MYLK2: variants seen among roughly 807,000 people sequenced by gnomAD.
The protein encoded by MYLK2 is myosin light chain kinase 2.
MYLK2 carries 27 observed loss-of-function variants against 58.2 expected under a neutral mutation model. The observed-to-expected ratio is 0.46, with a 90% CI of 0.34 to 0.64. The LOEUF is 0.64. MYLK2 is among the 30% of genes least tolerant of loss of function. The pLI, the probability that MYLK2 is intolerant of heterozygous loss-of-function variation, is 0.01. For synonymous variants in MYLK2, 310 were observed against 296.7 expected, an observed-to-expected ratio of 1.04 and a Z score of -0.46; for missense variants, 676 against 764.3, an observed-to-expected ratio of 0.88 and a Z score of 1.36.
rs1172754908 is a variant in MYLK2 at position 31,834,375 on chromosome 20, C to T, written c.*578C>T. 6.3e-6 allele frequency: 1 copy of T among 159,066 alleles called. No individual in the cohort carries two copies. The highest frequency in any genetic ancestry group is 1.4e-5 in the Non-Finnish European group (1 of 71,532). The allele number at this position is 159,066 out of a possible 1,614,324, so 9.9% of individuals were successfully genotyped here. On this transcript the variant is annotated 3_prime_UTR_variant, in exon 13 of 13. Coordinates refer to ENST00000375985, the MANE Select transcript of MYLK2 (RefSeq NM_033118.4). ...TCCAGCAGATAAGGCCGAGCCCACA[C>T]CATCTGGCCCAGGCTGGCCCCCACC...
chr20:31,827,060 C>T (rs2062284102), intron 8 of MYLK2, 122 bp downstream of exon 8: 7 of 1,532,316 alleles, frequency 4.6e-6, no homozygotes, highest in Non-Finnish European at 5.3e-6. Context: ...CCATCCTTCC[C>T]TTCATAGATT....
Position 31,821,530 on chromosome 20 carries a change from A to G in MYLK2, c.565A>G (p.Arg189Gly). 1 of 1,614,054 alleles carries G rather than the reference A, an allele frequency of 6.2e-7. No homozygotes were observed. Residue 189 changes from arginine to glycine, a missense_variant, in exon 4 of 13, where the codon AGG becomes GGG. By Grantham distance (125) the Arg-to-Gly change is moderately radical (BLOSUM62 -2). Coordinates refer to ENST00000375985, the MANE Select transcript of MYLK2 (RefSeq NM_033118.4). ...VPMTHSPTDP[R>G]PAKAEEGKNI... The stretch of plus-strand genomic sequence containing the variant: ...CATGACCCACAGCCCCACGGATCCC[A>G]GGCCAGCCAAGGCAGAAGAAGGAAA...
At chr20:31,829,080 T>G (rs937202319) in intron 8 of MYLK2, among the ~76,000 whole-genome samples, 3 of 152,150 alleles carry the variant, frequency 2.0e-5, no homozygotes, top group African/African-American at 7.2e-5. Flanking sequence ...GCCCCTTCAC[T>G]GAGCTGGGGG....
In MYLK2 at chr20:31,831,155, C is replaced by CG. The variant is rs1568634664; in HGVS notation, c.1424+17dup. ...CACCTACATGCTGTGAGCTCCCAGGCGGGTCGTGTTTATGGGGTTGGTGGG... is the reference window on the plus strand; with the variant it reads ...CACCTACATGCTGTGAGCTCCCAGGCGGGGTCGTGTTTATGGGGTTGGTGGG... On this transcript the variant is annotated intron_variant, in intron 10 of 12. Coordinates refer to ENST00000375985, the MANE Select transcript of MYLK2 (RefSeq NM_033118.4). The CG allele has an allele frequency of 1.2e-6, 2 of 1,613,858 alleles. No homozygotes were observed. Among genetic ancestry groups the CG allele is most frequent in the South Asian group, 2.2e-5 (2 of 91,068 alleles).
Position 31,820,316 on chromosome 20 carries a change from C to G in MYLK2, c.243C>G (p.Asp81Glu), listed in dbSNP as rs138517155. The change falls in exon 3 of 13, where the codon GAC becomes GAG. Residue 81 changes from aspartate (D) to glutamate (E), a missense_variant. This residue lies in a region of MYLK2 where 306 missense variants were observed against 296.5 expected (regional missense o/e 1.03). Transcript: ENST00000375985. ...GCCAAGGCCCCAAAGGAGAGGGTGA[C>G]AGGGGCGGGGGGCCCGCGGAGGGCA... is the stretch of plus-strand genomic sequence containing the variant. Reference protein sequence around the residue: ...TSSQGPKGEGDRGGGPAEGSA... With the variant: ...TSSQGPKGEGERGGGPAEGSA... 3.1e-6 allele frequency: 5 copies of G among 1,613,126 alleles called. No homozygotes were observed. Among genetic ancestry groups the G allele is most frequent in the Non-Finnish European group, 4.2e-6 (5 of 1,179,900 alleles).
chr20:31,826,879 C>A lies in MYLK2; in HGVS notation c.1165C>A (p.Gln389Lys), dbSNP rs2062283200. ...GGTGGACACCATGGTGTTTGTCAGG[C>A]AGATCTGTGACGGGATCCTCTTCAT... Reference protein sequence around the residue: ...TEVDTMVFVRQICDGILFMHK... With the variant: ...TEVDTMVFVRKICDGILFMHK... The change falls in exon 8 of 13, where the codon CAG becomes AAG. Residue 389 changes from glutamine to lysine, a missense_variant. Transcript: ENST00000375985. 3 of 1,613,974 alleles carry A rather than the reference C, an allele frequency of 1.9e-6. No homozygotes were observed. Among genetic ancestry groups the A allele is most frequent in the Non-Finnish European group, 2.5e-6 (3 of 1,180,036 alleles).
intron 6 of MYLK2, chr20:31,824,692 G>C (rs2062269900): frequency 1.9e-6 from 1 of 534,640 alleles, no homozygotes; most frequent in African/African-American, 2.1e-5. Flanking sequence ...AGTGAAGTGG[G>C]TGTGGTCTCC....
chr20:31,828,049 G>A lies in MYLK2; in HGVS notation c.1224+1111G>A, dbSNP rs1049926105. ...ATTACAGGCGTGTGCCACCATGCCC[G>A]GCTAATTTTTGTATTTTTAGTGGAG... On this transcript the variant is annotated intron_variant, in intron 8 of 12. Transcript: ENST00000375985. The A allele has an allele frequency of 1.7e-4, 56 of 320,692 alleles. 1 individual carries two copies. The highest frequency in any genetic ancestry group is 2.4e-4 in the Non-Finnish European group (53 of 222,994). The allele number at this position is 320,692 out of a possible 1,614,324, so 19.9% of individuals were successfully genotyped here.
rs1227925129 is a variant in MYLK2 at position 31,824,241 on chromosome 20, A to G, written c.879-18A>G. 1 of 1,611,470 alleles carries G rather than the reference A, an allele frequency of 6.2e-7. No homozygotes were observed. Among genetic ancestry groups the G allele is most frequent in the East Asian group, 2.2e-5 (1 of 44,834 alleles). On this transcript the variant is annotated intron_variant, in intron 5 of 12. Coordinates refer to ENST00000375985, the MANE Select transcript of MYLK2 (RefSeq NM_033118.4). ...TGGGCTCTGGGGTCCCCTCACTTAC[A>G]GCCTCTTCTCTTTCCAGTGGCAAGT...
At chr20:31,833,691 G>T (rs1221829719) in intron 12 of MYLK2, 26 bp from the exon 13 acceptor site, 1 of 1,608,006 alleles carries the variant, frequency 6.2e-7, no homozygotes, top group South Asian at 1.1e-5. Flanking sequence ...GGTGTTGACT[G>T]GGACTCCCTC....
rs780385311 is a variant in MYLK2 at position 31,826,596 on chromosome 20, G to C, written c.973-9G>C. 2 of 1,614,042 alleles carry C rather than the reference G, an allele frequency of 1.2e-6. No homozygotes were observed. Among genetic ancestry groups the C allele is most frequent in the Admixed American group, 1.7e-5 (1 of 60,018 alleles). On this transcript the variant is annotated splice_polypyrimidine_tract_variant and intron_variant, in intron 6 of 12. Coordinates refer to ENST00000375985, the MANE Select transcript of MYLK2 (RefSeq NM_033118.4). The stretch of plus-strand genomic sequence containing the variant: ...CCCAGCTGGTACCCTTGACTTCCCT[G>C]GTCCCCAGGAAATGGTGTTGCTGGA...
Position 31,833,788 on chromosome 20 carries a change from G to T in MYLK2, c.1782G>T (p.Leu594=). Residue 594 remains leucine (L), a synonymous_variant, in exon 13 of 13, where the codon CTG becomes CTT. Coordinates refer to ENST00000375985, the MANE Select transcript of MYLK2 (RefSeq NM_033118.4). ...KISSSGALMA[L]GV is the part of the protein sequence containing the mutation. ...GCAGCTCGGGGGCACTGATGGCTCT[G>T]GGGGTCTGAGCCCTGGGCGCAGCTG... 4 of 1,612,770 alleles carry T rather than the reference G, an allele frequency of 2.5e-6. No homozygotes were observed. The highest frequency in any genetic ancestry group is 2.2e-5 in the South Asian group (2 of 91,080).
rs376757266 is a variant in MYLK2, at chr20:31,827,134, G to A, written c.1224+196G>A. 9.7e-5 allele frequency: 93 copies of A among 959,642 alleles called. 2 individuals are homozygous for A. In the South Asian group the frequency reaches 3.8e-3, roughly 39 times the overall value. The allele number at this position is 959,642 out of a possible 1,614,324, so 59.4% of individuals were successfully genotyped here. On this transcript the variant is annotated intron_variant, in intron 8 of 12. Coordinates refer to ENST00000375985, the MANE Select transcript of MYLK2 (RefSeq NM_033118.4). ...CCGGGGGCACAGCAAAGAGAGAGAG[G>A]GGGGGAAAAAAAAAAGACGTGGTAC...
At chr20:31,824,538 C>G (rs2062269211) in intron 6 of MYLK2, 186 bp downstream of exon 6, 1 of 985,448 alleles carries the variant, frequency 1.0e-6, no homozygotes, top group East Asian at 1.1e-4. Context: ...AGGACCCTAC[C>G]CATAACCAGA....
Position 31,832,136 on chromosome 20 carries a change from G to T in MYLK2, c.1710G>T (p.Lys570Asn). The T allele has an allele frequency of 1.2e-6, 2 of 1,609,508 alleles. No homozygotes were observed. The highest frequency in any genetic ancestry group is 8.5e-7 in the Non-Finnish European group (1 of 1,178,336). ...LKKYLMKRRW[K>N]KNFIAVSAAN... ...AATACCTCATGAAGAGGCGCTGGAA[G>T]GTACCGCTGGATTCAGGGTGGGGAG... is the stretch of plus-strand genomic sequence containing the variant. Residue 570 changes from lysine to asparagine, a missense_variant and splice_region_variant, in exon 12 of 13, where the codon AAG becomes AAT. Lys to Asn is a moderately conservative substitution (Grantham distance 94). Coordinates refer to ENST00000375985, the MANE Select transcript of MYLK2 (RefSeq NM_033118.4).
chr20:31,827,259 C>T, intron 8 of MYLK2: 2 of 985,392 alleles, frequency 2.0e-6, no homozygotes, highest in Non-Finnish European at 2.4e-6. Context: ...AGACAAGTGG[C>T]TAATAAGTGT....
chr20:31,823,471 C>T lies in MYLK2; in HGVS notation c.773-6C>T. On this transcript the variant is annotated splice_polypyrimidine_tract_variant and splice_region_variant and intron_variant, in intron 4 of 12. Transcript: ENST00000375985. ...CTGACCATGAGGGCTGTGCTCTGTC[C>T]CCCAGATGATTGCCCGCCACCTCCG... 1.2e-6 allele frequency: 2 copies of T among 1,611,474 alleles called. No individual in the cohort carries two copies. The highest frequency in any genetic ancestry group is 1.1e-5 in the South Asian group (1 of 91,058).
intron 8 of MYLK2, among the ~76,000 whole-genome samples, chr20:31,827,882 CTTTTTTTTTT>C (rs10646259): frequency 2.1e-5 from 2 of 94,842 alleles, no homozygotes; most frequent in African/African-American, 4.8e-5. Flanking sequence ...AGCAGATCTG[CTTTTTTTTTT>C]TTTTTTTTTT....
intron 2 of MYLK2, 98 bp downstream of exon 2, chr20:31,819,730 C>A: frequency 1.4e-6 from 2 of 1,420,774 alleles, no homozygotes; most frequent in Non-Finnish European, 1.9e-6. Context: ...TGTGCCCCAG[C>A]CTTGTTTGCA....
Sources: allele counts gnomAD v4.1 joint callset (sites outside exome capture counted in the v4.1 genomes callset), GRCh38; gene constraint gnomAD v4.1.1; regional missense constraint gnomAD v4.1.1; transcripts MANE v1.5; gene names NCBI Gene and HGNC (gene_info 2026-07-23, HGNC 2026-07-21).